The following ASCC3 variants were observed in gnomAD, a reference collection of about 807,000 sequenced individuals.
ASCC3 encodes the protein ASC-1 complex subunit P200.
ASCC3 carries 158 observed loss-of-function variants against 256.3 expected under a neutral mutation model. That is an observed-to-expected ratio of 0.62 (90% CI 0.54 to 0.70). ASCC3 has a LOEUF of 0.70. Ranked by LOEUF, ASCC3 falls within the 30% of genes least tolerant of loss-of-function variation. The pLI is 0.00. For synonymous variants in ASCC3, 948 were observed against 883.4 expected (o/e 1.07, Z -1.30); for missense variants, 2,259 against 2,626.0 (o/e 0.86, Z 3.05).
At chr6:100,805,964 G>T in intron 4 of ASCC3, 84 bp from the exon 5 acceptor site, 1 of 1,352,150 alleles carries the variant, frequency 7.4e-7, no homozygotes, top group Non-Finnish European at 1.0e-6. Flanking sequence ...TTCAACAGAG[G>T]TGTAAAGCCA....
intron 8 of ASCC3, among the ~76,000 whole-genome samples, chr6:100,795,196 GA>G (rs34224634): frequency 3.4e-5 from 5 of 147,334 alleles, no homozygotes; most frequent in African/African-American, 5.0e-5. Flanking sequence ...GAACTGGTTG[GA>G]AAAAAAAAAC....
At chr6:100,843,205 A>C (rs1463515844) in intron 4 of ASCC3, among the ~76,000 whole-genome samples, 1 of 152,184 alleles carries the variant, frequency 6.6e-6, no homozygotes, top group East Asian at 1.9e-4. Context: ...CCAAATTTTC[A>C]AAGGATGATA....
intron 13 of ASCC3, among the ~76,000 whole-genome samples, chr6:100,696,800 T>C (rs1296455182): frequency 1.3e-5 from 2 of 152,002 alleles, no homozygotes; most frequent in African/African-American, 4.8e-5. Context: ...ATAAATAAAA[T>C]TAACGAAAGT....
intron 33 of ASCC3, among the ~76,000 whole-genome samples, chr6:100,603,977 A>G (rs1404805084): frequency 6.6e-6 from 1 of 151,922 alleles, no homozygotes; most frequent in African/African-American, 2.4e-5. Flanking sequence ...TCCCTTTTCC[A>G]CTACTAGGAG....
intron 30 of ASCC3, among the ~76,000 whole-genome samples, chr6:100,613,939 G>T (rs1773534416): frequency 6.6e-6 from 1 of 151,972 alleles, no homozygotes; most frequent in South Asian, 2.1e-4. Context: ...ATACTTCTTG[G>T]CCATTTGTAT....
Position 100,725,591 on chromosome 6 carries a change from T to C in ASCC3, c.1850A>G (p.His617Arg), listed in dbSNP as rs1319285328. ...TTCTAATACTGGTCCTCTATCTTCATGCAGCAAATGAACTTCATCAAGAAT... is the reference window on the plus strand; with the variant it reads ...TTCTAATACTGGTCCTCTATCTTCACGCAGCAAATGAACTTCATCAAGAAT... Reference protein sequence around the residue: ...LLILDEVHLLHEDRGPVLESI... With the variant: ...LLILDEVHLLREDRGPVLESI... The change falls in exon 11 of 42, where the codon CAT becomes CGT. Residue 617 changes from histidine (H) to arginine (R), a missense_variant. Transcript: ENST00000369162. 1.2e-6 allele frequency: 2 copies of C among 1,612,884 alleles called. No individual in the cohort carries two copies. Among genetic ancestry groups the C allele is most frequent in the Non-Finnish European group, 1.7e-6 (2 of 1,179,174 alleles).
chr6:100,520,739 C>T (rs1048368764), intron 37 of ASCC3, among the ~76,000 whole-genome samples: 3 of 152,176 alleles, frequency 2.0e-5, no homozygotes, highest in African/African-American at 7.2e-5. Flanking sequence ...AGTACACTAA[C>T]ATGCTATACA....
intron 10 of ASCC3, among the ~76,000 whole-genome samples, chr6:100,749,726 A>T (rs1474219793): frequency 6.6e-6 from 1 of 151,948 alleles, no homozygotes; most frequent in Admixed American, 6.6e-5. Flanking sequence ...CTATGTATTC[A>T]ACCAAGGTTA....
chr6:100,880,004 C>T, intron 1 of ASCC3, among the ~76,000 whole-genome samples: 1 of 152,216 alleles, frequency 6.6e-6, no homozygotes, highest in Non-Finnish European at 1.5e-5. Context: ...GACTGTCTCT[C>T]TCTTGCTCTC....
In ASCC3 at chr6:100,606,878, A is replaced by G. The variant is rs751302029; in HGVS notation, c.4924-18T>C. 6.2e-7 allele frequency: 1 copy of G among 1,606,980 alleles called. No individual in the cohort carries two copies. The stretch of plus-strand genomic sequence containing the variant: ...ATAAGAACCTAAAAAGCAAAATAAA[A>G]TATCTTATATCTAAGTAAAATATAA... On this transcript the variant is annotated intron_variant, in intron 31 of 41. Transcript: ENST00000369162.
chr6:100,789,078 C>G (rs1210421147), intron 8 of ASCC3, among the ~76,000 whole-genome samples: 1 of 149,876 alleles, frequency 6.7e-6, no homozygotes, highest in Non-Finnish European at 1.5e-5. Flanking sequence ...TAAAGCAATA[C>G]AACAAAATGA....
intron 4 of ASCC3, among the ~76,000 whole-genome samples, chr6:100,812,206 C>A (rs1353160041): frequency 6.6e-6 from 1 of 151,862 alleles, no homozygotes; most frequent in Non-Finnish European, 1.5e-5. Flanking sequence ...AAACATGGGA[C>A]AAATATCCAG....
chr6:100,538,618 C>A (rs1775285219), intron 37 of ASCC3, among the ~76,000 whole-genome samples: 1 of 152,036 alleles, frequency 6.6e-6, no homozygotes, highest in African/African-American at 2.4e-5. Flanking sequence ...TGGTGGACAC[C>A]ATTCTGGATC....
At chr6:100,795,018 G>C (rs575036572) in intron 8 of ASCC3, among the ~76,000 whole-genome samples, 249 of 152,096 alleles carry the variant, frequency 1.6e-3, no homozygotes, top group African/African-American at 5.7e-3. Flanking sequence ...TTGACTCCTG[G>C]TGGCTCATGG....
At position 100,532,318 on chromosome 6, in the gene ASCC3, A is replaced by G. The variant is rs1399552283; in HGVS notation, c.5775+7845T>C. Among the ~76,000 whole-genome samples the G allele has an allele frequency of 2.1e-5, 3 of 145,218 alleles. No individual in the cohort carries two copies. The East Asian group carries it at 6.0e-4, about 29-fold the overall frequency. Reference sequence around the variant, plus strand: ...CAGATTAGCTCAGTTTTCTCATCAAAGCAGAATGCTATCTTGCGTGTGTGT... The same window carrying G: ...CAGATTAGCTCAGTTTTCTCATCAAGGCAGAATGCTATCTTGCGTGTGTGT... On this transcript the variant is annotated intron_variant, in intron 37 of 41. Transcript: ENST00000369162.
chr6:100,657,154 A>C (rs1430365468), intron 16 of ASCC3, among the ~76,000 whole-genome samples: 2 of 151,280 alleles, frequency 1.3e-5, no homozygotes, highest in Non-Finnish European at 3.0e-5. Context: ...TAGTATTATG[A>C]TATACTATTT....
intron 8 of ASCC3, among the ~76,000 whole-genome samples, chr6:100,770,881 A>G (rs1302431664): frequency 6.6e-6 from 1 of 150,696 alleles, no homozygotes; most frequent in East Asian, 1.9e-4. Flanking sequence ...TACAGATTCA[A>G]TGCAATTCCA....
At chr6:100,867,226 C>A (rs11155726) in intron 2 of ASCC3, among the ~76,000 whole-genome samples, 21,636 of 152,042 alleles carry the variant, frequency 0.14, 1,897 homozygotes, top group Non-Finnish European at 0.2. Context: ...GGAAGGGTAA[C>A]ATTAGCATTA....
chr6:100,591,063 T>C (rs1030757373), intron 34 of ASCC3, among the ~76,000 whole-genome samples: 4 of 152,048 alleles, frequency 2.6e-5, no homozygotes, highest in African/African-American at 9.7e-5. Flanking sequence ...TTTGATCTAT[T>C]GAAAAGTTAC....
Sources: gnomAD v4.1 joint callset for allele counts (sites outside exome capture counted in the v4.1 genomes callset) on GRCh38, gnomAD v4.1.1 for gene constraint, MANE v1.5 for transcripts, NCBI Gene and HGNC (gene_info 2026-07-23, HGNC 2026-07-21) for gene names.